The following SCFD2 variants were observed in gnomAD, a reference collection of about 807,000 sequenced individuals.
The protein encoded by SCFD2 is sec1 family domain containing 2, also known as sec1 family domain-containing protein 2.
SCFD2 carries 54 observed loss-of-function variants against 58.9 expected under a neutral mutation model. The ratio of observed to expected loss-of-function variants is 0.92; its 90% CI spans 0.74 to 1.15. The LOEUF is 1.15. Ranked by LOEUF, SCFD2 falls within the 50% of genes most tolerant of loss-of-function variation. The pLI is 0.00. For missense variants in SCFD2, 805 were observed against 836.6 expected, an observed-to-expected ratio of 0.96 and a Z score of 0.47; for synonymous variants, 321 against 335.9, an observed-to-expected ratio of 0.96 and a Z score of 0.49.
intron 5 of SCFD2, among the ~76,000 whole-genome samples, chr4:53,090,278 C>G (rs1724433021): frequency 6.6e-6 from 1 of 152,266 alleles, no homozygotes; most frequent in South Asian, 2.1e-4. Context: ...CTCTCACAAA[C>G]AGTTGGGCTT....
intron 5 of SCFD2, among the ~76,000 whole-genome samples, chr4:53,006,018 G>A (rs529415599): frequency 7.4e-4 from 113 of 152,184 alleles, no homozygotes; most frequent in African/African-American, 2.6e-3. Context: ...CTCCCTCCCC[G>A]ACTCCTGACG....
At chr4:52,917,716 G>C (rs1719641363) in intron 6 of SCFD2, among the ~76,000 whole-genome samples, 1 of 152,170 alleles carries the variant, frequency 6.6e-6, no homozygotes, top group Admixed American at 6.5e-5. Context: ...TTTATTTCTG[G>C]AGGTCTAGTC....
intron 5 of SCFD2, among the ~76,000 whole-genome samples, chr4:52,972,164 C>A (rs911848918): frequency 1.3e-5 from 2 of 152,144 alleles, no homozygotes; most frequent in Non-Finnish European, 2.9e-5. Flanking sequence ...TCACATATAA[C>A]AATACTAACC....
At chr4:53,199,964 GCAA>G (rs1728177838) in intron 4 of SCFD2, among the ~76,000 whole-genome samples, 1 of 148,384 alleles carries the variant, frequency 6.7e-6, no homozygotes, top group Non-Finnish European at 1.5e-5. Context: ...GAGAGTGAGA[GCAA>G]GAGAGGGAGA....
In SCFD2 at chr4:53,168,016, T is replaced by C. The variant is rs144968874; in HGVS notation, c.1312-22434A>G. 6.0e-4 allele frequency among the ~76,000 whole-genome samples: 92 copies of C among 152,282 alleles called. 1 individual carries two copies. The highest frequency in any genetic ancestry group is 2.2e-3 in the African/African-American group (90 of 41,544). The stretch of plus-strand genomic sequence containing the variant: ...ATACCACACACAATACAATAATATA[T>C]AAATGACAGTAAATGTACTTTTTAA... On this transcript the variant is annotated intron_variant, in intron 4 of 8. Transcript: ENST00000401642.
At chr4:53,162,821 C>T (rs1264882892) in intron 4 of SCFD2, among the ~76,000 whole-genome samples, 2 of 150,960 alleles carry the variant, frequency 1.3e-5, no homozygotes, top group African/African-American at 2.4e-5. Flanking sequence ...GCACATTGCG[C>T]ACATGTACCC....
chr4:53,120,909 A>G (rs1725460321), intron 5 of SCFD2, among the ~76,000 whole-genome samples: 1 of 152,146 alleles, frequency 6.6e-6, no homozygotes, highest in South Asian at 2.1e-4. Flanking sequence ...AATATTCCCA[A>G]ACTGCCCTGT....
intron 5 of SCFD2, among the ~76,000 whole-genome samples, chr4:53,099,206 C>T (rs1464112875): frequency 5.9e-5 from 9 of 152,200 alleles, no homozygotes; most frequent in Non-Finnish European, 1.3e-4. Flanking sequence ...GACAAGTCTT[C>T]GCCAGTTTTC....
Position 53,250,099 on chromosome 4 carries a change from G to C in SCFD2, c.1311+23727C>G, listed in dbSNP as rs1360212554. ...CACATAGGCTCAAAATAAAAGGATG[G>C]AGGAAGATCTACCAAGCAAATGGAA... On this transcript the variant is annotated intron_variant, in intron 4 of 8. Transcript: ENST00000401642. Among the ~76,000 whole-genome samples, 7 of 152,146 alleles carry C rather than the reference G, an allele frequency of 4.6e-5. No individual in the cohort carries two copies. The East Asian group carries it at 1.3e-3, about 29-fold the overall frequency.
rs1207961915 is a variant in SCFD2 at position 53,365,604 on chromosome 4, A to G, written c.338T>C (p.Leu113Pro). 1.2e-6 allele frequency: 2 copies of G among 1,614,176 alleles called. No individual in the cohort carries two copies. Among genetic ancestry groups the G allele is most frequent in the South Asian group, 1.1e-5 (1 of 91,088 alleles). The change falls in exon 1 of 9, where the codon CTC becomes CCC. Residue 113 changes from leucine (L) to proline (P), a missense_variant. Physicochemically the swap from Leu to Pro is moderately conservative, Grantham distance 98. This residue lies in a region of SCFD2 where 155 missense variants were observed against 149.7 expected (regional missense o/e 1.04). Transcript: ENST00000401642. The surrounding 1 kb of genome is among the most constrained non-coding windows in gnomAD (Gnocchi z 4.3). Reference sequence around the variant, plus strand: ...CGCCGCTGGGACATGATTAGCTGTGAGGTGGACAGCGTGGCTCACGGTTGT... The same window carrying G: ...CGCCGCTGGGACATGATTAGCTGTGGGGTGGACAGCGTGGCTCACGGTTGT... ...VVTTVSHAVH[L>P]TANHVPAAAA...
chr4:53,257,593 T>C (rs1381531845), intron 4 of SCFD2, among the ~76,000 whole-genome samples: 3 of 151,676 alleles, frequency 2.0e-5, no homozygotes, highest in African/African-American at 7.3e-5. Flanking sequence ...TATACTCTAA[T>C]AAAAAAAAAT....
intron 5 of SCFD2, among the ~76,000 whole-genome samples, chr4:53,073,455 T>C (rs1453866577): frequency 2.0e-5 from 3 of 152,118 alleles, no homozygotes; most frequent in Non-Finnish European, 1.5e-5. Flanking sequence ...CCCTATAATT[T>C]ACCTGAACCA....
At chr4:52,896,145 G>T (rs1212386482) in intron 7 of SCFD2, among the ~76,000 whole-genome samples, 1 of 152,104 alleles carries the variant, frequency 6.6e-6, no homozygotes, top group Non-Finnish European at 1.5e-5. Flanking sequence ...TTCTTTTGCT[G>T]TGCAGAAGCT....
chr4:53,070,903 G>A (rs946579492), intron 5 of SCFD2, among the ~76,000 whole-genome samples: 6 of 151,918 alleles, frequency 3.9e-5, no homozygotes, highest in East Asian at 3.9e-4. Context: ...CCCATTAGGC[G>A]CTCTTCTTTC....
chr4:52,912,896 G>A (rs1173973030), intron 6 of SCFD2, among the ~76,000 whole-genome samples: 1 of 152,116 alleles, frequency 6.6e-6, no homozygotes. Context: ...GATTTCTCTG[G>A]TGCCCTACTC....
chr4:53,258,578 A>ATATATATATATATG (rs1321905665), intron 4 of SCFD2, among the ~76,000 whole-genome samples: 1 of 115,058 alleles, frequency 8.7e-6, no homozygotes, highest in African/African-American at 3.7e-5. Flanking sequence ...ATATATATAT[A>ATATATATATATATG]CACACACATA....
At chr4:53,248,677 C>A (rs1413450715) in intron 4 of SCFD2, among the ~76,000 whole-genome samples, 1 of 152,082 alleles carries the variant, frequency 6.6e-6, no homozygotes, top group East Asian at 1.9e-4. Flanking sequence ...ACACCTCACA[C>A]AGCCGGGTAC....
At chr4:52,993,460 G>A (rs6849838) in intron 5 of SCFD2, among the ~76,000 whole-genome samples, 67,487 of 152,064 alleles carry the variant, frequency 0.44, 15,181 homozygotes, top group African/African-American at 0.48. Context: ...ATTTATGTGC[G>A]GCAACTAAAT....
intron 2 of SCFD2, among the ~76,000 whole-genome samples, chr4:53,328,335 G>C (rs1203493745): frequency 6.6e-6 from 1 of 152,174 alleles, no homozygotes; most frequent in Middle Eastern, 3.4e-3. Flanking sequence ...CCACCAAAAA[G>C]AATCAGTGCT....
Sources: gnomAD v4.1 joint callset for allele counts (sites outside exome capture counted in the v4.1 genomes callset) on GRCh38, gnomAD v4.1.1 for gene constraint, gnomAD v4.1.1 regional missense constraint, Gnocchi (gnomAD v3.1) non-coding constraint, MANE v1.5 for transcripts, NCBI Gene and HGNC (gene_info 2026-07-23, HGNC 2026-07-21) for gene names.